MSRA: variants seen among roughly 807,000 people sequenced by gnomAD.
The protein encoded by MSRA is mitochondrial peptide methionine sulfoxide reductase.
In MSRA, 54 loss-of-function variants were observed where a neutral mutation model predicts 31.3. The ratio of observed to expected loss-of-function variants is 1.73; its 90% confidence interval spans 1.39 to 2.17. The LOEUF is 2.17. Ranked by LOEUF, MSRA falls within the 30% of genes most tolerant of loss-of-function variation. The pLI is 0.00. For missense variants in MSRA, 507 were observed against 300.9 expected, an observed-to-expected ratio of 1.69 and a Z score of -5.07; for synonymous variants, 169 against 116.5, an observed-to-expected ratio of 1.45 and a Z score of -2.90.
intron 2 of MSRA, among the ~76,000 whole-genome samples, chr8:10,225,567 A>G (rs1407116952): frequency 6.6e-6 from 1 of 152,228 alleles, no homozygotes; most frequent in African/African-American, 2.4e-5. Flanking sequence ...AACTAATTTT[A>G]AAAGTTTAGG....
intron 3 of MSRA, among the ~76,000 whole-genome samples, chr8:10,254,128 G>A (rs1798057057): frequency 1.3e-5 from 2 of 152,144 alleles, no homozygotes; most frequent in East Asian, 1.9e-4. Flanking sequence ...GGCCTCTGAG[G>A]CGTGGAATTG....
intron 5 of MSRA, chr8:10,326,657 T>A (rs1004106095): frequency 6.6e-6 from 1 of 152,138 alleles, no homozygotes. Flanking sequence ...GTTTTTGCCT[T>A]CAAGGAGAAG....
At chr8:10,360,156 TGAGTGAGCCAAGCTGCTC>T (rs1804763048) in intron 5 of MSRA, among the ~76,000 whole-genome samples, 2 of 152,100 alleles carry the variant, frequency 1.3e-5, no homozygotes, top group Non-Finnish European at 1.5e-5. Context: ...CCAAGCTGCT[TGAGTGAGCCAAGCTGCTC>T]TCAGTGTTAG....
At chr8:10,072,469 C>A (rs1797782737) in intron 1 of MSRA, among the ~76,000 whole-genome samples, 2 of 152,150 alleles carry the variant, frequency 1.3e-5, no homozygotes, top group African/African-American at 4.8e-5. Context: ...ATCTATGGGT[C>A]TCCCTCTGTG....
intron 1 of MSRA, among the ~76,000 whole-genome samples, chr8:10,201,026 T>G (rs1313211293): frequency 1.3e-5 from 2 of 152,176 alleles, no homozygotes; most frequent in Non-Finnish European, 2.9e-5. Context: ...ACTTCCTGAC[T>G]GACTTGTACC....
chr8:10,059,724 G>C (rs958703804), intron 1 of MSRA, among the ~76,000 whole-genome samples: 6 of 152,122 alleles, frequency 3.9e-5, no homozygotes, highest in African/African-American at 9.7e-5. Flanking sequence ...ATGGTAAATA[G>C]TTGCAATTCA....
intron 5 of MSRA, among the ~76,000 whole-genome samples, chr8:10,373,630 G>T (rs1445303639): frequency 6.6e-6 from 1 of 152,276 alleles, no homozygotes; most frequent in African/African-American, 2.4e-5. Context: ...GGGGATCAGG[G>T]TTGGCTTGCA....
chr8:10,220,636 T>C lies in MSRA; in HGVS notation c.211+12735T>C, dbSNP rs115033867. Among the ~76,000 whole-genome samples, 775 of 152,342 alleles carry C rather than the reference T, an allele frequency of 5.1e-3. 6 individuals are homozygous for C. Among genetic ancestry groups the C allele is most frequent in the African/African-American group, 0.018 (741 of 41,580 alleles). ...ATGACCCTTTTCCAGTTTCCTAATT[T>C]CCATAATTCTGCCACTTGTCAGGTC... is the stretch of plus-strand genomic sequence containing the variant. On this transcript the variant is annotated intron_variant, in intron 2 of 5. Transcript: ENST00000317173.
At chr8:10,417,725 G>T (rs753848913) in intron 5 of MSRA, among the ~76,000 whole-genome samples, 1 of 107,200 alleles carries the variant, frequency 9.3e-6, no homozygotes, top group Non-Finnish European at 2.0e-5. Flanking sequence ...GCTGACTGGG[G>T]CATTGTCTGG....
intron 1 of MSRA, among the ~76,000 whole-genome samples, chr8:10,205,269 A>G (rs1479080334): frequency 1.3e-5 from 2 of 151,942 alleles, no homozygotes; most frequent in African/African-American, 4.8e-5. Flanking sequence ...GGGTCATGAC[A>G]TTTGGGGCTA....
intron 1 of MSRA, among the ~76,000 whole-genome samples, chr8:10,173,304 G>A (rs1805758171): frequency 6.6e-6 from 1 of 152,218 alleles, no homozygotes; most frequent in African/African-American, 2.4e-5. Flanking sequence ...ATGAAAAATT[G>A]TGTCAGCAAT....
chr8:10,077,002 C>T (rs949673818), intron 1 of MSRA, among the ~76,000 whole-genome samples: 1 of 146,138 alleles, frequency 6.8e-6, no homozygotes, highest in African/African-American at 2.5e-5. Flanking sequence ...TTTGCTGCAC[C>T]TATGTAATAA....
chr8:10,152,916 A>T (rs561137653), intron 1 of MSRA, among the ~76,000 whole-genome samples: 12 of 152,206 alleles, frequency 7.9e-5, no homozygotes, highest in African/African-American at 2.4e-5. Flanking sequence ...AAACAGACAC[A>T]TACTATGTAA....
chr8:10,268,847 T>G (rs537887238), intron 3 of MSRA, among the ~76,000 whole-genome samples: 20 of 152,376 alleles, frequency 1.3e-4, no homozygotes, highest in South Asian at 6.2e-4. Context: ...GCTTTCCTGT[T>G]ATCCTCCTGG....
intron 2 of MSRA, among the ~76,000 whole-genome samples, chr8:10,228,122 C>G (rs892951435): frequency 3.9e-5 from 6 of 152,098 alleles, no homozygotes; most frequent in African/African-American, 1.4e-4. Flanking sequence ...CTGGCTGTCT[C>G]TCGTCCACTG....
At chr8:10,273,916 G>A (rs1799178159) in intron 3 of MSRA, among the ~76,000 whole-genome samples, 1 of 152,142 alleles carries the variant, frequency 6.6e-6, no homozygotes, top group Non-Finnish European at 1.5e-5. Flanking sequence ...GCTATCCTAA[G>A]AGGTCTACCT....
intron 3 of MSRA, among the ~76,000 whole-genome samples, chr8:10,267,995 A>C (rs150971101): frequency 6.6e-6 from 1 of 152,292 alleles, no homozygotes; most frequent in African/African-American, 2.4e-5. Context: ...CCCTCATTGC[A>C]TGTCCTGCGT....
chr8:10,146,388 G>T (rs1301460331), intron 1 of MSRA, among the ~76,000 whole-genome samples: 1 of 152,136 alleles, frequency 6.6e-6, no homozygotes, highest in Non-Finnish European at 1.5e-5. Context: ...GCAAAAGCAG[G>T]GTGAGGTCTC....
intron 1 of MSRA, among the ~76,000 whole-genome samples, chr8:10,070,443 G>T (rs111356457): frequency 0.03 from 4,551 of 152,234 alleles, 96 homozygotes; most frequent in African/African-American, 0.053. Flanking sequence ...TTGAGATAAT[G>T]TTAGATTTAC....
Sources: allele counts gnomAD v4.1 joint callset (sites outside exome capture counted in the v4.1 genomes callset), GRCh38; gene constraint gnomAD v4.1.1; transcripts MANE v1.5; gene names NCBI Gene and HGNC (gene_info 2026-07-23, HGNC 2026-07-21).